Variants in GATM observed in about 807,000 individuals in gnomAD.
GATM encodes the protein glycine amidinotransferase, also known as glycine amidinotransferase, mitochondrial.
GATM carries 23 observed loss-of-function variants against 54.2 expected under a neutral mutation model. The observed-to-expected ratio is 0.42, with a 90% CI of 0.31 to 0.60. The LOEUF (loss-of-function observed/expected upper bound fraction) is 0.60, where lower values mean the gene tolerates loss of function less well. Ranked by LOEUF, GATM falls within the 20% of genes least tolerant of loss-of-function variation. The pLI is 0.14. For synonymous variants in GATM, 168 were observed against 183.1 expected, an observed-to-expected ratio of 0.92 and a Z score of 0.67; for missense variants, 401 against 544.9, an observed-to-expected ratio of 0.74 and a Z score of 2.63.
chr15:45,363,462 T>G (rs1889398877), intron 8 of GATM, among the ~76,000 whole-genome samples: 1 of 152,230 alleles, frequency 6.6e-6, no homozygotes, highest in African/African-American at 2.4e-5. Context: ...TTCGCTACTT[T>G]GTTAACTATG....
chr15:45,369,685 C>A (rs1889507874), intron 2 of GATM, 164 bp from the exon 3 acceptor site: 3 of 668,634 alleles, frequency 4.5e-6, no homozygotes, highest in African/African-American at 3.6e-5. Context: ...GCCCTCTGGG[C>A]AGACACTCAG....
chr15:45,373,523 A>G (rs1263180228), intron 2 of GATM, among the ~76,000 whole-genome samples: 1 of 151,782 alleles, frequency 6.6e-6, no homozygotes, highest in Non-Finnish European at 1.5e-5. Context: ...ATATCTATAT[A>G]TATATATATT....
chr15:45,364,883 C>CA, intron 6 of GATM, 23 bp from the exon 7 acceptor site: 1 of 1,605,598 alleles, frequency 6.2e-7, no homozygotes, highest in Non-Finnish European at 8.5e-7. Flanking sequence ...AAAAAACCCC[C>CA]AAAACCGTTA....
chr15:45,369,269 T>G (rs1266396013), intron 3 of GATM, 57 bp downstream of exon 3: 2 of 1,504,456 alleles, frequency 1.3e-6, no homozygotes, highest in Non-Finnish European at 1.8e-6. Flanking sequence ...CCCTTACACA[T>G]TAAGAAAGAA....
chr15:45,363,563 G>C (rs886452370), intron 8 of GATM: 12 of 405,308 alleles, frequency 3.0e-5, no homozygotes, highest in African/African-American at 2.4e-4. Context: ...GACCCACAAT[G>C]ATTTCTTATT....
At chr15:45,401,856 G>C (rs1384824735) in intron 1 of GATM, 2 of 152,550 alleles carry the variant, frequency 1.3e-5, no homozygotes, top group Non-Finnish European at 2.9e-5. Context: ...CTTTCCCATA[G>C]GAAGGGTTGT....
At chr15:45,374,447 G>A (rs1317883621) in intron 2 of GATM, among the ~76,000 whole-genome samples, 2 of 152,202 alleles carry the variant, frequency 1.3e-5, no homozygotes, top group Admixed American at 1.3e-4. Context: ...GTTAGGGGAT[G>A]GGACTTTTCA....
At chr15:45,396,590 G>GGTCTCGATCTC (rs1889934016) in intron 3 of GATM, among the ~76,000 whole-genome samples, 2 of 152,094 alleles carry the variant, frequency 1.3e-5, no homozygotes, top group African/African-American at 4.8e-5. Context: ...CAGTATTTGG[G>GGTCTCGATCTC]CTGGGCACAG....
chr15:45,384,418 T>G (rs1889780998), intron 3 of GATM, among the ~76,000 whole-genome samples: 1 of 152,138 alleles, frequency 6.6e-6, no homozygotes, highest in Non-Finnish European at 1.5e-5. Flanking sequence ...GTATAAGGCC[T>G]CTAAACAAGC....
At chr15:45,391,775 T>C (rs960750748) in intron 3 of GATM, among the ~76,000 whole-genome samples, 4 of 152,352 alleles carry the variant, frequency 2.6e-5, no homozygotes, top group Non-Finnish European at 4.4e-5. Context: ...GCTTCATTGA[T>C]TGAATTGTAG....
At chr15:45,372,803 G>A (rs1889564230) in intron 2 of GATM, among the ~76,000 whole-genome samples, 1 of 152,176 alleles carries the variant, frequency 6.6e-6, no homozygotes, top group South Asian at 2.1e-4. Context: ...GCAAAGGTTG[G>A]GCAAAGTACA....
intron 3 of GATM, among the ~76,000 whole-genome samples, chr15:45,393,441 C>T (rs1280631259): frequency 1.3e-5 from 2 of 152,020 alleles, no homozygotes; most frequent in East Asian, 1.9e-4. Flanking sequence ...TAGTTCCAAC[C>T]TCCCAAGGTT....
At position 45,398,873 on chromosome 15, in the gene GATM, A is replaced by G. The variant is rs567478534; in HGVS notation, c.-480+673T>C. On this transcript the variant is annotated intron_variant, in intron 2 of 4. Coordinates refer to the GATM transcript ENST00000561148. ...TCTTTAGATTTTTTTCATATACAGG[A>G]ATATATTTTTATATACATATATAAT... is the stretch of plus-strand genomic sequence containing the variant. Among the ~76,000 whole-genome samples the G allele has an allele frequency of 2.0e-5, 3 of 152,292 alleles. No individual in the cohort carries two copies. In the East Asian group the frequency reaches 5.8e-4, roughly 29 times the overall value.
chr15:45,389,389 A>G (rs1889842175), intron 3 of GATM, among the ~76,000 whole-genome samples: 1 of 152,354 alleles, frequency 6.6e-6, no homozygotes, highest in East Asian at 1.9e-4. Flanking sequence ...ATCCAACAAA[A>G]TTAATGAAGC....
At chr15:45,400,929 T>C (rs1159178486) in intron 1 of GATM, among the ~76,000 whole-genome samples, 1 of 152,006 alleles carries the variant, frequency 6.6e-6, no homozygotes, top group African/African-American at 2.4e-5. Flanking sequence ...TTGATAGGCA[T>C]GTAATTCACA....
chr15:45,364,179 G>T, intron 7 of GATM, 163 bp from the exon 8 acceptor site: 1 of 644,252 alleles, frequency 1.6e-6, no homozygotes. Context: ...TAAATGGTAT[G>T]AATCAATCTG....
chr15:45,393,081 T>G (rs1889889259), intron 3 of GATM, among the ~76,000 whole-genome samples: 1 of 152,228 alleles, frequency 6.6e-6, no homozygotes, highest in Non-Finnish European at 1.5e-5. Context: ...CATGATATTG[T>G]GGTATTCCCA....
At chr15:45,364,258 A>G (rs1444204449) in intron 7 of GATM, 4 of 496,240 alleles carry the variant, frequency 8.1e-6, no homozygotes, top group South Asian at 6.5e-5. Context: ...GCATGGTATA[A>G]TCCTAGCACT....
chr15:45,381,106 G>A (rs990099110), upstream of GATM, among the ~76,000 whole-genome samples: 37 of 152,244 alleles, frequency 2.4e-4, no homozygotes, highest in African/African-American at 8.4e-4. Flanking sequence ...TGGCAACTCC[G>A]TGGTCTTTAG....
Sources: allele counts gnomAD v4.1 joint callset (sites outside exome capture counted in the v4.1 genomes callset), GRCh38; gene constraint gnomAD v4.1.1; transcripts MANE v1.5; gene names NCBI Gene and HGNC (gene_info 2026-07-23, HGNC 2026-07-21).